Variants in DISC1 observed in about 807,000 individuals in gnomAD.
DISC1 encodes disrupted in schizophrenia 1 protein.
Under a neutral mutation model 84.5 loss-of-function variants are expected in DISC1, and 57 were observed. The ratio of observed to expected loss-of-function variants is 0.67; its 90% CI spans 0.55 to 0.84. The LOEUF is 0.84. Among genes scored for constraint, DISC1 ranks in the 40% least tolerant of loss-of-function variants. The pLI is 0.00. For missense variants in DISC1, 1,000 were observed against 1,057.8 expected (o/e 0.95, Z 0.76); for synonymous variants, 411 against 415.2 (o/e 0.99, Z 0.12).
intron 1 of DISC1, among the ~76,000 whole-genome samples, chr1:231,641,420 C>T (rs1010499526): frequency 5.3e-5 from 8 of 152,112 alleles, no homozygotes; most frequent in African/African-American, 1.9e-4. Flanking sequence ...TTCGTTCCTC[C>T]TTGTAGGTTC....
chr1:231,639,748 A>G (rs1450532817), intron 1 of DISC1, among the ~76,000 whole-genome samples: 1 of 152,184 alleles, frequency 6.6e-6, no homozygotes, highest in Non-Finnish European at 1.5e-5. Flanking sequence ...AGTGTTTGTC[A>G]CAACCTGTCA....
At chr1:231,985,013 C>G (rs1375316791) in intron 10 of DISC1, among the ~76,000 whole-genome samples, 3 of 152,060 alleles carry the variant, frequency 2.0e-5, no homozygotes, top group African/African-American at 7.2e-5. Context: ...ATTTCAATTT[C>G]TCTGTCTATA....
chr1:231,715,171 G>A (rs1413381497), intron 3 of DISC1, among the ~76,000 whole-genome samples: 1 of 152,178 alleles, frequency 6.6e-6, no homozygotes, highest in South Asian at 2.1e-4. Flanking sequence ...CTGGCTACCT[G>A]TCTGTCTCTG....
chr1:231,776,326 G>A lies in DISC1; in HGVS notation c.1634+5256G>A, dbSNP rs555884278. ...TGAGTTCTTCATTCCTCAGCTCCTCGGATTTTTCATGCTTCATGTGAAATG... is the reference window on the plus strand; with the variant it reads ...TGAGTTCTTCATTCCTCAGCTCCTCAGATTTTTCATGCTTCATGTGAAATG... On this transcript the variant is annotated intron_variant, in intron 6 of 12. Coordinates refer to ENST00000439617, the MANE Select transcript of DISC1 (RefSeq NM_018662.3). 4.6e-5 allele frequency among the ~76,000 whole-genome samples: 7 copies of A among 152,258 alleles called. No individual in the cohort carries two copies. The South Asian group carries it at 1.2e-3, about 27-fold the overall frequency.
At chr1:231,835,290 G>A (rs1035417197) in intron 9 of DISC1, among the ~76,000 whole-genome samples, 3 of 152,204 alleles carry the variant, frequency 2.0e-5, no homozygotes, top group Non-Finnish European at 2.9e-5. Flanking sequence ...GAGCAACAAG[G>A]CTGTTTATTT....
chr1:231,930,655 C>T (rs890945558), intron 9 of DISC1, among the ~76,000 whole-genome samples: 11 of 152,074 alleles, frequency 7.2e-5, no homozygotes, highest in Non-Finnish European at 8.8e-5. Context: ...AGATCCTAAC[C>T]ATTATCTATG....
intron 9 of DISC1, among the ~76,000 whole-genome samples, chr1:231,958,418 G>C (rs1659892140): frequency 6.6e-6 from 1 of 152,134 alleles, no homozygotes; most frequent in African/African-American, 2.4e-5. Context: ...CCCTAGTGTG[G>C]CTCTTCTGGT....
At chr1:231,692,934 C>G (rs988175893) in intron 1 of DISC1, among the ~76,000 whole-genome samples, 3 of 152,228 alleles carry the variant, frequency 2.0e-5, no homozygotes, top group African/African-American at 7.2e-5. Flanking sequence ...GCTATGCAAT[C>G]TAAAAATAAT....
At position 231,698,602 on chromosome 1, in the gene DISC1, C is replaced by T. The variant is rs149373308; in HGVS notation, c.1048-3353C>T. ...TATTCAGACATATCTCAGGGCAGTC[C>T]ATTCAGGGCCTTATAGAGATCACTG... On this transcript the variant is annotated intron_variant, in intron 2 of 12. Coordinates refer to ENST00000439617, the MANE Select transcript of DISC1 (RefSeq NM_018662.3). This position sits in a 1 kb window ranked among gnomAD's most constrained non-coding sequence, Gnocchi z 4.9. Among the ~76,000 whole-genome samples the T allele has an allele frequency of 6.6e-6, 1 of 150,684 alleles. No homozygotes were observed. The highest frequency in any genetic ancestry group is 2.4e-5 in the African/African-American group (1 of 41,522).
chr1:231,898,848 G>T (rs1324753980), intron 9 of DISC1, among the ~76,000 whole-genome samples: 1 of 152,028 alleles, frequency 6.6e-6, no homozygotes, highest in Non-Finnish European at 1.5e-5. Flanking sequence ...TATGAGAATC[G>T]CTTGAACCCA....
intron 10 of DISC1, among the ~76,000 whole-genome samples, chr1:231,988,370 G>A (rs764624947): frequency 3.0e-4 from 45 of 152,260 alleles, no homozygotes; most frequent in Non-Finnish European, 4.4e-4. Context: ...TATTTTTTAA[G>A]TCACAAATCT....
chr1:231,948,781 G>A (rs569129332), intron 9 of DISC1, among the ~76,000 whole-genome samples: 24 of 152,116 alleles, frequency 1.6e-4, no homozygotes, highest in African/African-American at 5.8e-4. Context: ...GATGCCCAGG[G>A]CAGGGGCCCC....
chr1:231,967,019 T>G (rs568309036), intron 10 of DISC1, among the ~76,000 whole-genome samples: 54 of 152,388 alleles, frequency 3.5e-4, no homozygotes, highest in African/African-American at 1.3e-3. Flanking sequence ...TGAAATTTGC[T>G]TTGAAATTTA....
At chr1:231,753,988 C>T (rs1046590925) in intron 4 of DISC1, among the ~76,000 whole-genome samples, 1 of 152,198 alleles carries the variant, frequency 6.6e-6, no homozygotes, top group African/African-American at 2.4e-5. Flanking sequence ...ATAAGTTTCT[C>T]ATTTCCATCT....
At chr1:231,776,507 C>A (rs149310412) in intron 6 of DISC1, among the ~76,000 whole-genome samples, 6 of 152,186 alleles carry the variant, frequency 3.9e-5, no homozygotes, top group Non-Finnish European at 8.8e-5. Flanking sequence ...GGGAGCCTCG[C>A]GGCAGGGCTG....
intron 6 of DISC1, among the ~76,000 whole-genome samples, chr1:231,778,980 C>T (rs1392228803): frequency 1.3e-5 from 2 of 152,016 alleles, no homozygotes; most frequent in Non-Finnish European, 2.9e-5. Flanking sequence ...AGAGCAGCAT[C>T]AATGCTAAAA....
At chr1:231,668,112 A>G (rs1434867899) in intron 1 of DISC1, among the ~76,000 whole-genome samples, 3 of 152,152 alleles carry the variant, frequency 2.0e-5, no homozygotes, top group Non-Finnish European at 2.9e-5. Context: ...TTTCAGGATA[A>G]GTACAACACA....
chr1:231,955,607 A>G (rs1314636654), intron 9 of DISC1, among the ~76,000 whole-genome samples: 5 of 151,246 alleles, frequency 3.3e-5, no homozygotes, highest in Admixed American at 2.7e-4. Flanking sequence ...CTTCTGTCTC[A>G]GCCTCCCAAC....
At chr1:231,739,344 A>G (rs2072945371) in intron 3 of DISC1, among the ~76,000 whole-genome samples, 1 of 152,054 alleles carries the variant, frequency 6.6e-6, no homozygotes, top group African/African-American at 2.4e-5. Flanking sequence ...TCATTTGTTT[A>G]CATATTTCTC....
Sources: allele counts gnomAD v4.1 joint callset (sites outside exome capture counted in the v4.1 genomes callset), GRCh38; gene constraint gnomAD v4.1.1; non-coding constraint Gnocchi (gnomAD v3.1); transcripts MANE v1.5; gene names NCBI Gene and HGNC (gene_info 2026-07-23, HGNC 2026-07-21).